The following BCLAF3 variants were observed in gnomAD, a reference collection of about 807,000 sequenced individuals.
The protein encoded by BCLAF3 is BCLAF1 and THRAP3 family member 3.
In BCLAF3, 24 loss-of-function variants were observed where a neutral mutation model predicts 51.2. The ratio of observed to expected loss-of-function variants is 0.47; its 90% confidence interval spans 0.34 to 0.66. The LOEUF is 0.66. BCLAF3 is among the 30% of genes least tolerant of loss of function. The pLI is 0.01. For synonymous variants in BCLAF3, 152 were observed against 176.6 expected, an observed-to-expected ratio of 0.86 and a Z score of 1.10; for missense variants, 465 against 525.1, an observed-to-expected ratio of 0.89 and a Z score of 1.12.
At position 19,965,306 on chromosome X, in the gene BCLAF3, C is replaced by T. The variant is rs1385726884; in HGVS notation, c.1012G>A (p.Val338Ile). 4.1e-6 allele frequency: 5 copies of T among 1,211,399 alleles called. No homozygotes were observed. In the Admixed American group the frequency reaches 8.7e-5, roughly 21 times the overall value. The change falls in exon 4 of 12, where the codon GTC (valine) becomes ATC (isoleucine). Residue 338 changes from valine (V) to isoleucine (I), a missense_variant. By Grantham distance (29) the Val-to-Ile change is conservative. Transcript: ENST00000379682. ...GRGRETQDGQVKEPFKPSKKD... is the reference protein window; with the variant it reads ...GRGRETQDGQIKEPFKPSKKD... ...TTAGACGGTTTAAAAGGTTCTTTGA[C>T]TTGTCCATCTTGAGTCTCTCTCCCT...
At chrX:19,927,989 C>T (rs1398016801) in intron 11 of BCLAF3, among the ~76,000 whole-genome samples, 2 of 105,703 alleles carry the variant, frequency 1.9e-5, no homozygotes, top group Non-Finnish European at 3.9e-5. Context: ...GGTCCTTCCA[C>T]CTCAGCCTTC....
intron 5 of BCLAF3, 165 bp from the exon 6 acceptor site, chrX:19,954,057 G>C (rs1041107764): frequency 1.3e-6 from 1 of 752,348 alleles, no homozygotes; most frequent in Non-Finnish European, 1.6e-6. Flanking sequence ...TAGCGCTCAC[G>C]TGCCTTCCCA....
chrX:19,949,250 G>A (rs2071400655), intron 8 of BCLAF3, among the ~76,000 whole-genome samples: 1 of 111,483 alleles, frequency 9.0e-6, no homozygotes, highest in Non-Finnish European at 1.9e-5. Flanking sequence ...CCACTGTGAG[G>A]TAAGTACAAC....
Position 19,917,221 on chromosome X carries a change from G to C in BCLAF3, c.*84C>G. The C allele has an allele frequency of 1.1e-6, 1 of 877,332 alleles. No individual in the cohort carries two copies. The allele number at this position is 877,332 out of a possible 1,213,427, so 72.3% of individuals were successfully genotyped here. A position where few individuals can be genotyped will look rare whatever the true frequency, so the allele number is the denominator to read the frequency against. The stretch of plus-strand genomic sequence containing the variant: ...AAGAAGTTACAGTATTAGTGCCTTA[G>C]TGTCACTTCTAACTCCTGACAAAAA... On this transcript the variant is annotated 3_prime_UTR_variant, in exon 12 of 12. Coordinates refer to ENST00000379682, the MANE Select transcript of BCLAF3 (RefSeq NM_001367774.2).
intron 1 of BCLAF3, among the ~76,000 whole-genome samples, chrX:19,973,042 T>C (rs1228625089): frequency 8.9e-6 from 1 of 112,133 alleles, no homozygotes; most frequent in South Asian, 3.7e-4. Flanking sequence ...TTTAACTTTT[T>C]GAGGATCTGC....
intron 1 of BCLAF3, among the ~76,000 whole-genome samples, chrX:19,981,711 T>C (rs1041007078): frequency 8.0e-5 from 9 of 112,380 alleles, no homozygotes; most frequent in Non-Finnish European, 1.1e-4. Flanking sequence ...GAAGTACCAA[T>C]ACATGCTACA....
chrX:19,917,384 A>G, intron 11 of BCLAF3, 50 bp from the exon 12 acceptor site: 1 of 1,052,553 alleles, frequency 9.5e-7, no homozygotes, highest in African/African-American at 1.8e-5. Flanking sequence ...AGTGTCAAAC[A>G]TCTGAGCTAG....
At position 19,929,824 on chromosome X, in the gene BCLAF3, G is replaced by A. The variant is rs748219446; in HGVS notation, c.2067C>T (p.Ile689=). 2.0e-5 allele frequency: 24 copies of A among 1,206,861 alleles called. No homozygotes were observed. In the East Asian group the frequency reaches 7.1e-4, roughly 36 times the overall value. ...TTAATCTTTCTCTGAACTTATGAGT[G>A]ATAAATCCCCTTGGGCCAGTGAACC... ...RLRFTGPRGF[I]THKFRERLMR... The change falls in exon 11 of 12, where the codon ATC becomes ATT. Residue 689 remains isoleucine, a synonymous_variant. Transcript: ENST00000379682.
intron 1 of BCLAF3, among the ~76,000 whole-genome samples, chrX:19,973,030 T>C (rs190989214): frequency 1.6e-3 from 179 of 112,249 alleles, no homozygotes; most frequent in Non-Finnish European, 2.8e-3. Context: ...GGTAACTCTA[T>C]GTTTAACTTT....
chrX:19,917,695 G>T (rs1000473159), intron 11 of BCLAF3, among the ~76,000 whole-genome samples: 1 of 111,635 alleles, frequency 9.0e-6, no homozygotes, highest in Non-Finnish European at 1.9e-5. Context: ...CACTACACAC[G>T]CACACCTCAA....
chrX:19,940,655 T>C (rs1354200464), intron 8 of BCLAF3, among the ~76,000 whole-genome samples: 1 of 109,258 alleles, frequency 9.2e-6, no homozygotes, highest in Non-Finnish European at 1.9e-5. Context: ...CACATTTTCT[T>C]AATCCAGTCT....
intron 8 of BCLAF3, among the ~76,000 whole-genome samples, chrX:19,937,780 C>G (rs952051792): frequency 8.9e-6 from 1 of 112,311 alleles, no homozygotes; most frequent in African/African-American, 3.2e-5. Context: ...GAACCAGGTT[C>G]TCAATCTGGG....
chrX:19,930,124 A>G (rs1426665018), intron 10 of BCLAF3, 184 bp from the exon 11 acceptor site: 10 of 319,591 alleles, frequency 3.1e-5, no homozygotes, highest in Non-Finnish European at 5.4e-5. Context: ...CAGCCTGGCC[A>G]ACATGGTGAA....
At chrX:19,981,135 C>A (rs897155509) in intron 1 of BCLAF3, among the ~76,000 whole-genome samples, 4 of 110,814 alleles carry the variant, frequency 3.6e-5, no homozygotes, top group African/African-American at 9.8e-5. Context: ...CAAATCAACA[C>A]CGGGTGCTGA....
chrX:19,972,827 A>C (rs2072299172), intron 1 of BCLAF3, among the ~76,000 whole-genome samples: 1 of 112,189 alleles, frequency 8.9e-6, no homozygotes, highest in Non-Finnish European at 1.9e-5. Context: ...TTATGGTAGA[A>C]TAATAGACAT....
intron 8 of BCLAF3, among the ~76,000 whole-genome samples, chrX:19,941,028 T>A (rs1389801041): frequency 1.5e-3 from 165 of 110,995 alleles, no homozygotes; most frequent in African/African-American, 5.1e-3. Flanking sequence ...CCAGTGATGA[T>A]GAGCATTTTT....
chrX:19,990,922 CCCGCCG>C lies in BCLAF3; in HGVS notation c.-55_-50del, dbSNP rs748679368. ...GAGCCGCTCACCCGGCCGGGAAGCC[CCCGCCG>C]CCGCCGCCGCCGCCGCCGCCGCCGC... On this transcript the variant is annotated 5_prime_UTR_variant, in exon 1 of 12. Transcript: ENST00000379682. Among the ~76,000 whole-genome samples, 42,147 of 84,404 alleles carry C rather than the reference CCCGCCG, an allele frequency of 0.5. 10,842 individuals are homozygous for C. Among genetic ancestry groups the C allele is most frequent in the South Asian group, 0.71 (1,036 of 1,456 alleles). 73.3% of individuals were successfully genotyped at this position (84,404 alleles called of 115,157 possible).
Position 19,966,091 on chromosome X carries a change from T to C in BCLAF3, c.600A>G (p.Ser200=), listed in dbSNP as rs766207931. Residue 200 remains serine (S), a synonymous_variant, in exon 3 of 12, where the codon TCA becomes TCG. Coordinates refer to ENST00000379682, the MANE Select transcript of BCLAF3 (RefSeq NM_001367774.2). ...ATGTTTTCCTATACCTCTTCTGAAA[T>C]GAGCTCCTTGTCTCAAAGTCTTCAG... ...RGSEDFETRS[S]FQKRYPEDRD... is the part of the protein sequence containing the mutation. 5.8e-6 allele frequency: 7 copies of C among 1,205,183 alleles called. No homozygotes were observed. In the East Asian group the frequency reaches 8.9e-5, roughly 15 times the overall value.
At chrX:19,974,894 A>C (rs916264520) in intron 1 of BCLAF3, among the ~76,000 whole-genome samples, 4 of 111,395 alleles carry the variant, frequency 3.6e-5, no homozygotes, top group Non-Finnish European at 7.5e-5. Flanking sequence ...AAAAATAAAT[A>C]AATAAATAAA....
Sources: gnomAD v4.1 joint callset for allele counts (sites outside exome capture counted in the v4.1 genomes callset) on GRCh38, gnomAD v4.1.1 for gene constraint, MANE v1.5 for transcripts, NCBI Gene and HGNC (gene_info 2026-07-23, HGNC 2026-07-21) for gene names.